UTRN: variants seen among roughly 807,000 people sequenced by gnomAD.
UTRN encodes the protein dystrophin-related protein 1.
Under a neutral mutation model 463.9 loss-of-function variants are expected in UTRN, and 283 were observed. The observed-to-expected ratio is 0.61, with a 90% CI of 0.55 to 0.67. The LOEUF is 0.67. Among genes scored for constraint, UTRN ranks in the 30% least tolerant of loss-of-function variants. UTRN has a pLI of 0.00. For missense variants in UTRN, 3,922 were observed against 4,084.3 expected (o/e 0.96, Z 1.08); for synonymous variants, 1,442 against 1,431.5 (o/e 1.01, Z -0.17).
chr6:144,481,772 A>G (rs1360247463), intron 26 of UTRN, among the ~76,000 whole-genome samples: 1 of 152,248 alleles, frequency 6.6e-6, no homozygotes, highest in Non-Finnish European at 1.5e-5. Flanking sequence ...AAAACGCTCA[A>G]CTGGGCTGGG....
chr6:144,788,328 A>G (rs1314125798), intron 61 of UTRN, among the ~76,000 whole-genome samples: 1 of 152,178 alleles, frequency 6.6e-6, no homozygotes, highest in African/African-American at 2.4e-5. Context: ...AGGGCTTATA[A>G]TTTGCTGAAT....
At chr6:144,701,189 G>A (rs745886815) in intron 53 of UTRN, among the ~76,000 whole-genome samples, 20 of 152,096 alleles carry the variant, frequency 1.3e-4, no homozygotes, top group Admixed American at 3.3e-4. Flanking sequence ...TTACAGGCAT[G>A]AGCCACCTTA....
At position 144,432,479 on chromosome 6, in the gene UTRN, G is replaced by C. The variant is rs76580686; in HGVS notation, c.855+2738G>C. Among the ~76,000 whole-genome samples, 1,791 of 152,260 alleles carry C rather than the reference G, an allele frequency of 0.012. 69 individuals carry two copies. The East Asian group carries it at 0.14, about 12-fold the overall frequency. ...GAAAGCCAGTGAAAGGTTTTCAGCA[G>C]GTACGTCTTATGATGGCATTACATT... On this transcript the variant is annotated intron_variant, in intron 9 of 74. Coordinates refer to ENST00000367545, the MANE Select transcript of UTRN (RefSeq NM_007124.3).
At chr6:144,531,001 G>T (rs373231531) in intron 41 of UTRN, 51 bp from the exon 42 acceptor site, 450 of 1,564,842 alleles carry the variant, frequency 2.9e-4, no homozygotes, top group Non-Finnish European at 3.7e-4. Context: ...ATGGCTTTAG[G>T]CAGTCCTGGA....
intron 2 of UTRN, among the ~76,000 whole-genome samples, chr6:144,322,924 C>T (rs1039060420): frequency 2.1e-5 from 3 of 143,860 alleles, no homozygotes; most frequent in Non-Finnish European, 3.0e-5. Flanking sequence ...GCCTGGGTGA[C>T]AGAGTGAGAC....
At chr6:144,798,698 A>C (rs73779136) in intron 64 of UTRN, among the ~76,000 whole-genome samples, 8,670 of 152,290 alleles carry the variant, frequency 0.057, 623 homozygotes, top group African/African-American at 0.17. Context: ...TTATGAAACA[A>C]CATAAGCCTA....
chr6:144,510,733 T>C (rs1469363266), intron 34 of UTRN, among the ~76,000 whole-genome samples: 1 of 152,222 alleles, frequency 6.6e-6, no homozygotes, highest in Non-Finnish European at 1.5e-5. Flanking sequence ...TGGTATTTGT[T>C]GAATTACACA....
chr6:144,645,809 C>G (rs1562701800), intron 51 of UTRN, among the ~76,000 whole-genome samples: 3 of 151,960 alleles, frequency 2.0e-5, no homozygotes, highest in African/African-American at 7.3e-5. Flanking sequence ...CTGACTCTGG[C>G]AAAAAGTGGG....
chr6:144,423,732 A>T, intron 5 of UTRN, 106 bp downstream of exon 5: 1 of 1,336,256 alleles, frequency 7.5e-7, no homozygotes, highest in Non-Finnish European at 1.1e-6. Flanking sequence ...TCTTGCAAAC[A>T]TTTTTTCTTA....
At chr6:144,588,105 C>T (rs931345096) in intron 51 of UTRN, among the ~76,000 whole-genome samples, 1 of 152,110 alleles carries the variant, frequency 6.6e-6, no homozygotes, top group Non-Finnish European at 1.5e-5. Flanking sequence ...TTTGTTTCTG[C>T]ACTTCCTAGT....
intron 51 of UTRN, among the ~76,000 whole-genome samples, chr6:144,616,105 G>A (rs953020222): frequency 6.6e-6 from 1 of 151,960 alleles, no homozygotes; most frequent in Non-Finnish European, 1.5e-5. Context: ...ACTCCTTCTC[G>A]GCAGTAGCAT....
In UTRN at chr6:144,436,082, C is replaced by G. The variant is rs779761181; in HGVS notation, c.1003C>G (p.Gln335Glu). The change falls in exon 10 of 75, where the codon CAG becomes GAG. Residue 335 changes from glutamine to glutamate, a missense_variant. Gln to Glu is a conservative substitution (Grantham distance 29). Coordinates refer to ENST00000367545, the MANE Select transcript of UTRN (RefSeq NM_007124.3). ...LLSAEDTFQE[Q>E]DDISDDVEEV... ...TTCTGCTGAGGACACTTTCCAGGAGCAGGATGATATTTCTGATGATGTTGA... is the reference window on the plus strand; with the variant it reads ...TTCTGCTGAGGACACTTTCCAGGAGGAGGATGATATTTCTGATGATGTTGA... The G allele has an allele frequency of 3.7e-6, 6 of 1,614,168 alleles. No homozygotes were observed. In the South Asian group the frequency reaches 4.4e-5, roughly 12 times the overall value.
intron 2 of UTRN, among the ~76,000 whole-genome samples, chr6:144,346,622 C>T (rs1777591062): frequency 6.6e-6 from 1 of 152,158 alleles, no homozygotes; most frequent in Non-Finnish European, 1.5e-5. Context: ...GGAGTTCAGG[C>T]CAGGAGCCTG....
chr6:144,813,749 C>A (rs1276823699), intron 65 of UTRN, among the ~76,000 whole-genome samples: 1 of 152,140 alleles, frequency 6.6e-6, no homozygotes, highest in Admixed American at 6.6e-5. Context: ...CAGATAGCCC[C>A]CAAAATAGGC....
intron 50 of UTRN, among the ~76,000 whole-genome samples, chr6:144,570,997 C>T (rs552084158): frequency 6.6e-6 from 1 of 152,000 alleles, no homozygotes; most frequent in African/African-American, 2.4e-5. Flanking sequence ...TGCCATATAA[C>T]CTATTATGTG....
At chr6:144,361,539 T>C (rs930018897) in intron 2 of UTRN, among the ~76,000 whole-genome samples, 2 of 152,060 alleles carry the variant, frequency 1.3e-5, no homozygotes, top group African/African-American at 4.8e-5. Context: ...AAAGGGGCAT[T>C]GCGGGGCTGA....
At position 144,286,026 on chromosome 6, in the gene UTRN, G is replaced by C. The variant is rs1270007010; in HGVS notation, c.-93+205G>C. Among the ~76,000 whole-genome samples, 2 of 152,224 alleles carry C rather than the reference G, an allele frequency of 1.3e-5. No homozygotes were observed. The highest frequency in any genetic ancestry group is 6.5e-5 in the Admixed American group (1 of 15,290). On this transcript the variant is annotated intron_variant, in intron 1 of 74. Transcript: ENST00000367545. The surrounding 1 kb of genome is among the most constrained non-coding windows in gnomAD (Gnocchi z 4.4). ...TCGGGGCCTCAGTTTAGCTCCCCGC[G>C]GTGCGAGAGAGAATGCCGGAGGCGT...
chr6:144,594,191 A>G (rs1405574854), intron 51 of UTRN, among the ~76,000 whole-genome samples: 1 of 152,204 alleles, frequency 6.6e-6, no homozygotes, highest in Non-Finnish European at 1.5e-5. Context: ...TGTAGAAATG[A>G]CCAATTTCCT....
intron 56 of UTRN, among the ~76,000 whole-genome samples, chr6:144,753,287 A>G (rs1791598409): frequency 6.6e-6 from 1 of 152,148 alleles, no homozygotes; most frequent in African/African-American, 2.4e-5. Context: ...AACCCTTTAC[A>G]TTTTCATAAT....
Sources: gnomAD v4.1 joint callset for allele counts (sites outside exome capture counted in the v4.1 genomes callset) on GRCh38, gnomAD v4.1.1 for gene constraint, Gnocchi (gnomAD v3.1) non-coding constraint, MANE v1.5 for transcripts, NCBI Gene and HGNC (gene_info 2026-07-23, HGNC 2026-07-21) for gene names.